The following CRLS1 variants were observed in gnomAD, a reference collection of about 807,000 sequenced individuals.
CRLS1 encodes the protein cardiolipin synthase 1.
CRLS1 carries 24 observed loss-of-function variants against 37.0 expected under a neutral mutation model. The observed-to-expected ratio is 0.65, with a 90% CI of 0.47 to 0.91. The LOEUF is 0.91. Among genes scored for constraint, CRLS1 ranks in the 40% least tolerant of loss-of-function variants. The probability of loss-of-function intolerance (pLI) is 0.00; values close to 1 mark genes in which losing one functional copy is unlikely to be tolerated. For missense variants in CRLS1, 373 were observed against 395.8 expected (o/e 0.94, Z 0.49); for synonymous variants, 135 against 159.7 (o/e 0.85, Z 1.17).
At chr20:6,007,523 G>A in intron 1 of CRLS1, 1 of 1,090,686 alleles carries the variant, frequency 9.2e-7, no homozygotes, top group Non-Finnish European at 1.4e-6. Context: ...TCTATGTGGA[G>A]CTAAAAAGAA....
chr20:6,022,905 G>A (rs773311986), intron 3 of CRLS1, among the ~76,000 whole-genome samples: 1 of 152,010 alleles, frequency 6.6e-6, no homozygotes, highest in African/African-American at 2.4e-5. Context: ...CGTTCTCCCC[G>A]TATCCATTAC....
intron 2 of CRLS1, among the ~76,000 whole-genome samples, chr20:6,014,085 TGCAATA>T (rs1424251789): frequency 6.6e-6 from 1 of 152,224 alleles, no homozygotes; most frequent in Non-Finnish European, 1.5e-5. Flanking sequence ...TTTTTTCAGT[TGCAATA>T]GCAATAGCTA....
intron 4 of CRLS1, 49 bp from the exon 5 acceptor site, chr20:6,031,963 T>C (rs753633113): frequency 7.3e-7 from 1 of 1,363,180 alleles, no homozygotes; most frequent in East Asian, 2.3e-5. Context: ...ATAAAAATGT[T>C]ATTTTAAACA....
At chr20:6,008,137 AT>A (rs2090084493) in intron 1 of CRLS1, among the ~76,000 whole-genome samples, 3 of 15,450 alleles carry the variant, frequency 1.9e-4, no homozygotes, top group Admixed American at 3.9e-4. Context: ...TTTTAAAAGA[AT>A]CTTCAGAAAT....
At position 6,036,259 on chromosome 20, in the gene CRLS1, A is replaced by G. The variant is rs1049367433; in HGVS notation, c.822-815A>G. ...GCCACTGCGTCCAGCTAGAAATAGC[A>G]ATTTTTCTAACACATATATTTCATT... On this transcript the variant is annotated intron_variant, in intron 6 of 6. Coordinates refer to ENST00000378863, the MANE Select transcript of CRLS1 (RefSeq NM_019095.6). Among the ~76,000 whole-genome samples the G allele has an allele frequency of 3.9e-5, 6 of 152,250 alleles. No homozygotes were observed. The East Asian group carries it at 1.2e-3, about 29-fold the overall frequency.
At chr20:6,010,787 T>G (rs2090122104) in intron 2 of CRLS1, among the ~76,000 whole-genome samples, 2 of 152,218 alleles carry the variant, frequency 1.3e-5, no homozygotes, top group Non-Finnish European at 2.9e-5. Flanking sequence ...ACACTTGTAA[T>G]TCCAGTGCTT....
At chr20:6,023,808 TGC>T (rs892989818) in intron 3 of CRLS1, among the ~76,000 whole-genome samples, 1 of 152,146 alleles carries the variant, frequency 6.6e-6, no homozygotes, top group Non-Finnish European at 1.5e-5. Context: ...TATACATACA[TGC>T]ACATACCTCA....
At chr20:6,005,972 A>C (rs2090047761), upstream of CRLS1, 2 of 296,338 alleles carry the variant, frequency 6.7e-6, no homozygotes, top group Non-Finnish European at 6.2e-6. Flanking sequence ...GCTGCTTCCC[A>C]AAACCCACTG....
At chr20:6,022,528 G>C (rs1462503228) in intron 3 of CRLS1, among the ~76,000 whole-genome samples, 1 of 151,752 alleles carries the variant, frequency 6.6e-6, no homozygotes, top group African/African-American at 2.4e-5. Flanking sequence ...TTTTAGAGAT[G>C]GAGTTTTGCC....
chr20:6,034,223 T>G (rs1169181325), intron 5 of CRLS1, among the ~76,000 whole-genome samples: 1 of 152,250 alleles, frequency 6.6e-6, no homozygotes, highest in Non-Finnish European at 1.5e-5. Flanking sequence ...TTTCTGACAG[T>G]TGTCATTACT....
rs1185738937 is a variant in CRLS1 at position 6,037,000 on chromosome 20, TATTC to T, written c.822-70_822-67del. 26 of 979,018 alleles carry T rather than the reference TATTC, an allele frequency of 2.7e-5. No homozygotes were observed. In the African/African-American group the frequency reaches 4.0e-4, roughly 15 times the overall value. 60.6% of individuals were successfully genotyped at this position (979,018 alleles called of 1,614,324 possible). A position where few individuals can be genotyped will look rare whatever the true frequency, so the allele number is the denominator to read the frequency against. On this transcript the variant is annotated intron_variant, in intron 6 of 6. Coordinates refer to ENST00000378863, the MANE Select transcript of CRLS1 (RefSeq NM_019095.6). The stretch of plus-strand genomic sequence containing the variant: ...TTTTACATTTTAAATTCATTGCATG[TATTC>T]ATTATGATTCCCGTTGCTACTATTT...
chr20:6,019,187 T>G (rs960052903), intron 3 of CRLS1, among the ~76,000 whole-genome samples: 4 of 152,204 alleles, frequency 2.6e-5, no homozygotes, highest in Non-Finnish European at 5.9e-5. Flanking sequence ...AAATAGGTAA[T>G]TCATTTTCTT....
At chr20:6,024,979 T>C (rs1404106397) in intron 3 of CRLS1, among the ~76,000 whole-genome samples, 1 of 152,144 alleles carries the variant, frequency 6.6e-6, no homozygotes, top group East Asian at 1.9e-4. Flanking sequence ...GTTTGTGCAG[T>C]TTAAGGAAAA....
In CRLS1 at chr20:6,019,598, A is replaced by G. The variant is rs1004950135; in HGVS notation, c.574+4108A>G. On this transcript the variant is annotated intron_variant, in intron 3 of 6. Transcript: ENST00000378863. ...AAAGAATCAGCTTTGGGTTTTGTCA[A>G]GCCTCTCTGATCTGTTGTTTACTAC... Among the ~76,000 whole-genome samples, 4 of 147,458 alleles carry G rather than the reference A, an allele frequency of 2.7e-5. No homozygotes were observed. The East Asian group carries it at 5.9e-4, about 22-fold the overall frequency.
intron 2 of CRLS1, among the ~76,000 whole-genome samples, chr20:6,012,766 C>T (rs1473063217): frequency 6.6e-6 from 1 of 152,088 alleles, no homozygotes; most frequent in South Asian, 2.1e-4. Flanking sequence ...TAAAATCATC[C>T]AGGCTGAGGT....
rs1980793565 is a variant in CRLS1 at position 6,039,260 on chromosome 20, T to TG, written c.*2102_*2103insG. 1.8e-5 allele frequency: 2 copies of TG among 110,528 alleles called. No homozygotes were observed. Among genetic ancestry groups the TG allele is most frequent in the Admixed American group, 9.6e-5 (1 of 10,432 alleles). The allele number at this position is 110,528 out of a possible 1,614,324, so 6.8% of individuals were successfully genotyped here. ...ACACCAACTGTGCTTTGCAGTTTTGTTTGTGTGTGTGTGTGTGTGTGTGTG... is the reference window on the plus strand; with the variant it reads ...ACACCAACTGTGCTTTGCAGTTTTGTGTTGTGTGTGTGTGTGTGTGTGTGTG... On this transcript the variant is annotated 3_prime_UTR_variant, in exon 7 of 7. Coordinates refer to ENST00000378863, the MANE Select transcript of CRLS1 (RefSeq NM_019095.6).
intron 5 of CRLS1, among the ~76,000 whole-genome samples, chr20:6,033,239 C>T (rs1307103974): frequency 6.6e-6 from 1 of 151,978 alleles, no homozygotes; most frequent in Non-Finnish European, 1.5e-5. Flanking sequence ...AAGCGATTCT[C>T]CTGCCTCAGT....
rs2090057792 is a variant in CRLS1 at position 6,006,542 on chromosome 20, C to A, written c.296C>A (p.Thr99Asn). ...APGGQWGPAS[T>N]PSLYENPWTI... ...GGCGGCCAGTGGGGCCCGGCGAGCA[C>A]CCCCAGCCTGGTACGTACCGATGAG... The change falls in exon 1 of 7, where the codon ACC (threonine) becomes AAC (asparagine). Residue 99 changes from threonine (T) to asparagine (N), a missense_variant. By Grantham distance (65) the Thr-to-Asn change is moderately conservative. Coordinates refer to ENST00000378863, the MANE Select transcript of CRLS1 (RefSeq NM_019095.6). The A allele has an allele frequency of 7.6e-7, 1 of 1,312,142 alleles. No homozygotes were observed. Among genetic ancestry groups the A allele is most frequent in the Non-Finnish European group, 9.6e-7 (1 of 1,039,356 alleles). 81.3% of individuals were successfully genotyped at this position (1,312,142 alleles called of 1,614,324 possible).
At chr20:6,017,016 G>A in intron 3 of CRLS1, among the ~76,000 whole-genome samples, 1 of 151,488 alleles carries the variant, frequency 6.6e-6, no homozygotes, top group East Asian at 1.9e-4. Flanking sequence ...TTTTGAGACA[G>A]GGTCTCACTC....
Sources: gnomAD v4.1 joint callset for allele counts (sites outside exome capture counted in the v4.1 genomes callset) on GRCh38, gnomAD v4.1.1 for gene constraint, MANE v1.5 for transcripts, NCBI Gene and HGNC (gene_info 2026-07-23, HGNC 2026-07-21) for gene names.